ADAMTSL1: variants seen among roughly 807,000 people sequenced by gnomAD.
The protein encoded by ADAMTSL1 is ADAMTS like 1, also known as ADAMTS-like protein 1.
A neutral mutation model predicts 201.8 loss-of-function variants in ADAMTSL1; 126 were observed. The observed-to-expected ratio is 0.62, with a 90% confidence interval of 0.54 to 0.72. The LOEUF (loss-of-function observed/expected upper bound fraction) is 0.72, where lower values mean the gene tolerates loss of function less well. Ranked by LOEUF, ADAMTSL1 falls within the 30% of genes least tolerant of loss-of-function variation. ADAMTSL1 has a pLI of 0.00. For missense variants in ADAMTSL1, 2,679 were observed against 2,277.8 expected (o/e 1.18, Z -3.59); for synonymous variants, 1,121 against 903.4 (o/e 1.24, Z -4.32).
intron 21 of ADAMTSL1, among the ~76,000 whole-genome samples, chr9:18,819,185 G>A (rs1488739338): frequency 6.6e-6 from 1 of 152,138 alleles, no homozygotes. Flanking sequence ...GCCAGGCATG[G>A]GGACTCACAC....
intron 2 of ADAMTSL1, among the ~76,000 whole-genome samples, chr9:18,283,167 T>C (rs1400471008): frequency 1.3e-5 from 2 of 152,224 alleles, no homozygotes; most frequent in Non-Finnish European, 2.9e-5. Context: ...AATTGGTATA[T>C]CTTTGATCCT....
chr9:18,094,730 T>G (rs889267453), intron 1 of ADAMTSL1, among the ~76,000 whole-genome samples: 1 of 151,896 alleles, frequency 6.6e-6, no homozygotes, highest in African/African-American at 2.4e-5. Context: ...CCAGCTAATT[T>G]TTTTTTTTTG....
At chr9:18,524,486 G>A (rs920526110) in intron 2 of ADAMTSL1, among the ~76,000 whole-genome samples, 23 of 152,236 alleles carry the variant, frequency 1.5e-4, no homozygotes, top group Admixed American at 6.5e-4. Flanking sequence ...TGTTGAATAG[G>A]AGTGGTGAGA....
intron 8 of ADAMTSL1, 89 bp from the exon 9 acceptor site, chr9:18,661,846 T>C: frequency 2.2e-6 from 3 of 1,347,562 alleles, no homozygotes; most frequent in East Asian, 5.0e-5. Context: ...GGGAATAATT[T>C]CCATTGATGT....
At chr9:18,801,214 T>A (rs1822778815) in intron 20 of ADAMTSL1, among the ~76,000 whole-genome samples, 1 of 152,230 alleles carries the variant, frequency 6.6e-6, no homozygotes, top group Non-Finnish European at 1.5e-5. Context: ...GTAGTCACAA[T>A]GTTGACCCTA....
At chr9:18,864,196 A>G (rs767359751) in intron 23 of ADAMTSL1, among the ~76,000 whole-genome samples, 5 of 152,162 alleles carry the variant, frequency 3.3e-5, no homozygotes, top group Non-Finnish European at 7.3e-5. Context: ...CTTCCCCGTG[A>G]ACTGGGTTCA....
At chr9:18,569,872 C>T (rs962130053) in intron 3 of ADAMTSL1, among the ~76,000 whole-genome samples, 2 of 152,038 alleles carry the variant, frequency 1.3e-5, no homozygotes, top group African/African-American at 4.8e-5. Flanking sequence ...ATGATGAGAG[C>T]AGAAATCCCA....
chr9:18,033,444 CA>C (rs1444037699), intron 1 of ADAMTSL1, among the ~76,000 whole-genome samples: 10 of 152,162 alleles, frequency 6.6e-5, no homozygotes, highest in Admixed American at 1.3e-4. Flanking sequence ...GTTATTTTAA[CA>C]CATTGTTTCC....
chr9:18,876,284 T>C (rs1828142377), intron 23 of ADAMTSL1, among the ~76,000 whole-genome samples: 1 of 125,136 alleles, frequency 8.0e-6, no homozygotes, highest in African/African-American at 3.2e-5. Context: ...TTTATTGTGC[T>C]AGTTGTTGCC....
intron 2 of ADAMTSL1, among the ~76,000 whole-genome samples, chr9:18,428,994 C>A (rs573290056): frequency 5.5e-4 from 84 of 152,254 alleles, no homozygotes; most frequent in African/African-American, 1.9e-3. Flanking sequence ...CAAAAGTCAG[C>A]TATAAGTTCC....
At chr9:18,424,384 C>G (rs1380981507) in intron 2 of ADAMTSL1, among the ~76,000 whole-genome samples, 1 of 152,194 alleles carries the variant, frequency 6.6e-6, no homozygotes, top group Non-Finnish European at 1.5e-5. Flanking sequence ...AAAGGTGAAT[C>G]TTATACAGTC....
At chr9:18,828,659 TTTATATATATATATA>T (rs1211967927) in intron 22 of ADAMTSL1, among the ~76,000 whole-genome samples, 1 of 17,360 alleles carries the variant, frequency 5.8e-5, no homozygotes, top group East Asian at 2.7e-3. Context: ...TGAAAGTATA[TTTATATATATATATA>T]TATATATATA....
chr9:18,629,376 G>T (rs1405611786), intron 5 of ADAMTSL1, among the ~76,000 whole-genome samples: 1 of 152,130 alleles, frequency 6.6e-6, no homozygotes, highest in African/African-American at 2.4e-5. Flanking sequence ...GATGTTAGCT[G>T]TAGGTTTTTA....
intron 2 of ADAMTSL1, among the ~76,000 whole-genome samples, chr9:18,529,544 C>T (rs141560304): frequency 1.1e-4 from 17 of 152,158 alleles, no homozygotes; most frequent in East Asian, 3.9e-4. Flanking sequence ...TAAAATTTTG[C>T]GAGTTGTTGG....
At chr9:18,426,060 A>C (rs1013966085) in intron 2 of ADAMTSL1, among the ~76,000 whole-genome samples, 2 of 152,136 alleles carry the variant, frequency 1.3e-5, no homozygotes, top group African/African-American at 4.8e-5. Flanking sequence ...ATTTCGTCAA[A>C]AGTGTGGCTG....
At chr9:18,449,889 C>G (rs965597360) in intron 2 of ADAMTSL1, among the ~76,000 whole-genome samples, 2 of 152,156 alleles carry the variant, frequency 1.3e-5, no homozygotes, top group African/African-American at 4.8e-5. Context: ...TAAGTGCTGG[C>G]AAGGTTGCAG....
chr9:18,105,713 A>T (rs1016143265), intron 1 of ADAMTSL1, among the ~76,000 whole-genome samples: 3 of 152,368 alleles, frequency 2.0e-5, no homozygotes, highest in African/African-American at 7.2e-5. Context: ...AAGATGTTGT[A>T]GAAAGATACA....
chr9:18,261,016 T>C (rs1831899594), intron 2 of ADAMTSL1, among the ~76,000 whole-genome samples: 1 of 143,906 alleles, frequency 6.9e-6, no homozygotes, highest in Non-Finnish European at 1.5e-5. Context: ...CTTTTTCTTT[T>C]TTTTTTTTTT....
intron 9 of ADAMTSL1, among the ~76,000 whole-genome samples, chr9:18,671,373 G>T (rs887950746): frequency 6.6e-6 from 1 of 152,208 alleles, no homozygotes; most frequent in African/African-American, 2.4e-5. Flanking sequence ...AGGTGCTTTG[G>T]CAGCAGAGTA....
Sources: allele counts gnomAD v4.1 joint callset (sites outside exome capture counted in the v4.1 genomes callset), GRCh38; gene constraint gnomAD v4.1.1; transcripts MANE v1.5; gene names NCBI Gene and HGNC (gene_info 2026-07-23, HGNC 2026-07-21).